Variants in LHFPL3 observed in about 807,000 individuals in gnomAD.
LHFPL3 encodes LHFPL tetraspan subfamily member 3 protein.
A neutral mutation model predicts 19.3 loss-of-function variants in LHFPL3; 5 were observed. That is an observed-to-expected ratio of 0.26 (90% confidence interval 0.14 to 0.54). The LOEUF (loss-of-function observed/expected upper bound fraction) is 0.54, where lower values mean the gene tolerates loss of function less well. Ranked by LOEUF, LHFPL3 falls within the 20% of genes least tolerant of loss-of-function variation. The pLI is 0.94. For synonymous variants in LHFPL3, 133 were observed against 126.2 expected, an observed-to-expected ratio of 1.05 and a Z score of -0.36; for missense variants, 249 against 307.4, an observed-to-expected ratio of 0.81 and a Z score of 1.42.
chr7:104,480,135 G>A (rs1000863061), intron 1 of LHFPL3, among the ~76,000 whole-genome samples: 1 of 152,186 alleles, frequency 6.6e-6, no homozygotes, highest in Non-Finnish European at 1.5e-5. Flanking sequence ...GACTTTGGAG[G>A]AAGACAGACC....
intron 1 of LHFPL3, among the ~76,000 whole-genome samples, chr7:104,612,534 A>G (rs1791231044): frequency 6.6e-6 from 1 of 152,240 alleles, no homozygotes; most frequent in Non-Finnish European, 1.5e-5. Context: ...TTTCGAATGT[A>G]CCATCACCTT....
chr7:104,421,482 A>G (rs1265585705), intron 1 of LHFPL3, among the ~76,000 whole-genome samples: 1 of 152,146 alleles, frequency 6.6e-6, no homozygotes, highest in Non-Finnish European at 1.5e-5. Flanking sequence ...ATGTGATGGG[A>G]AAAAGTCACT....
intron 1 of LHFPL3, among the ~76,000 whole-genome samples, chr7:104,396,621 A>G (rs10953433): frequency 0.38 from 57,102 of 149,140 alleles, 11,381 homozygotes; most frequent in Admixed American, 0.5. Flanking sequence ...CATTTTTGCC[A>G]TGAAATATGG....
intron 1 of LHFPL3, among the ~76,000 whole-genome samples, chr7:104,343,568 T>C: frequency 1.5e-5 from 2 of 135,268 alleles, no homozygotes; most frequent in African/African-American, 5.4e-5. Context: ...CTTGAATTTA[T>C]ACAATGAAAG....
In LHFPL3 at chr7:104,704,696, C is replaced by T. The variant is rs141763123; in HGVS notation, c.446-31979C>T. ...TATCACCCAGGCTAAAGTGCAATGG[C>T]GTGATCACGGCTTACTACAGCCTCG... On this transcript the variant is annotated intron_variant, in intron 1 of 2. Transcript: ENST00000424859. Among the ~76,000 whole-genome samples the T allele has an allele frequency of 7.8e-4, 119 of 151,800 alleles. 1 individual carries two copies. The highest frequency in any genetic ancestry group is 7.7e-4 in the Non-Finnish European group (52 of 67,972).
chr7:104,401,772 A>G (rs1386063631), intron 1 of LHFPL3, among the ~76,000 whole-genome samples: 1 of 152,254 alleles, frequency 6.6e-6, no homozygotes, highest in East Asian at 1.9e-4. Context: ...AAAAACAGAT[A>G]GAAGGTAAAC....
At chr7:104,550,369 G>C (rs1288556549) in intron 1 of LHFPL3, among the ~76,000 whole-genome samples, 1 of 151,884 alleles carries the variant, frequency 6.6e-6, no homozygotes, top group Non-Finnish European at 1.5e-5. Flanking sequence ...AGAATAGAGA[G>C]TGGGATGGGG....
chr7:104,365,585 T>G (rs1790471103), intron 1 of LHFPL3, among the ~76,000 whole-genome samples: 1 of 150,004 alleles, frequency 6.7e-6, no homozygotes. Context: ...ATCGAGACCA[T>G]CCTGGCTAAC....
chr7:104,741,189 G>T (rs949344951), intron 2 of LHFPL3, among the ~76,000 whole-genome samples: 6 of 152,054 alleles, frequency 3.9e-5, no homozygotes, highest in Non-Finnish European at 7.4e-5. Flanking sequence ...TCTTTTCAGT[G>T]TCCCCCTTCA....
chr7:104,352,179 C>A (rs1200517552), intron 1 of LHFPL3, among the ~76,000 whole-genome samples: 2 of 133,834 alleles, frequency 1.5e-5, no homozygotes, highest in East Asian at 3.9e-4. Flanking sequence ...AAAAAAAAAT[C>A]TCATACAACT....
chr7:104,411,899 T>A (rs1188484391), intron 1 of LHFPL3, among the ~76,000 whole-genome samples: 1 of 152,178 alleles, frequency 6.6e-6, no homozygotes, highest in East Asian at 1.9e-4. Flanking sequence ...AGCAATATTT[T>A]AAAATGTTTT....
chr7:104,620,093 C>T (rs889865891), intron 1 of LHFPL3, among the ~76,000 whole-genome samples: 2 of 152,114 alleles, frequency 1.3e-5, no homozygotes, highest in African/African-American at 2.4e-5. Context: ...GGTTCTGATA[C>T]GGGTCTGTGA....
intron 1 of LHFPL3, among the ~76,000 whole-genome samples, chr7:104,636,375 AT>A: frequency 6.6e-6 from 1 of 152,206 alleles, no homozygotes; most frequent in African/African-American, 2.4e-5. Flanking sequence ...AAAAGTACTA[AT>A]TTTTTTAACT....
intron 1 of LHFPL3, among the ~76,000 whole-genome samples, chr7:104,573,153 C>A (rs1232901777): frequency 6.6e-6 from 1 of 152,120 alleles, no homozygotes; most frequent in East Asian, 1.9e-4. Context: ...TGGCTCATGC[C>A]TGTAATCCCA....
chr7:104,860,425 G>A (rs948934598), intron 2 of LHFPL3, among the ~76,000 whole-genome samples: 2 of 152,122 alleles, frequency 1.3e-5, no homozygotes, highest in Non-Finnish European at 2.9e-5. Context: ...GCACTTTACC[G>A]CTAATAAAGG....
chr7:104,389,207 A>C (rs1270444672), intron 1 of LHFPL3, among the ~76,000 whole-genome samples: 1 of 152,186 alleles, frequency 6.6e-6, no homozygotes, highest in Non-Finnish European at 1.5e-5. Context: ...TACAACAATC[A>C]ATTGTATTTC....
At position 104,856,927 on chromosome 7, in the gene LHFPL3, G is replaced by A. The variant is rs1791516623; in HGVS notation, c.683-49260G>A. On this transcript the variant is annotated intron_variant, in intron 2 of 2. Coordinates refer to ENST00000424859, the MANE Select transcript of LHFPL3 (RefSeq NM_199000.3). The stretch of plus-strand genomic sequence containing the variant: ...AGTATACATCAGAAAATCTCAGGCT[G>A]CAAGAATAGGATGAAAAGTGAGTAT... Among the ~76,000 whole-genome samples the A allele has an allele frequency of 2.0e-5, 3 of 152,190 alleles. No individual in the cohort carries two copies. The South Asian group carries it at 6.2e-4, about 32-fold the overall frequency.
At chr7:104,569,161 C>A (rs1450224265) in intron 1 of LHFPL3, among the ~76,000 whole-genome samples, 1 of 152,102 alleles carries the variant, frequency 6.6e-6, no homozygotes, top group Non-Finnish European at 1.5e-5. Flanking sequence ...AAAGTGAAAT[C>A]TTCCTATATC....
At chr7:104,332,507 A>G (rs930014239) in intron 1 of LHFPL3, among the ~76,000 whole-genome samples, 4 of 152,178 alleles carry the variant, frequency 2.6e-5, no homozygotes, top group Admixed American at 1.3e-4. Flanking sequence ...CTGGGATTAC[A>G]GGCGTGAGCC....
Sources: gnomAD v4.1 joint callset for allele counts (sites outside exome capture counted in the v4.1 genomes callset) on GRCh38, gnomAD v4.1.1 for gene constraint, MANE v1.5 for transcripts, NCBI Gene and HGNC (gene_info 2026-07-23, HGNC 2026-07-21) for gene names.